CLN8: variants seen among roughly 807,000 people sequenced by gnomAD.
CLN8 encodes the protein CLN8 transmembrane ER and ERGIC protein.
A neutral mutation model predicts 15.7 loss-of-function variants in CLN8; 14 were observed. That is an observed-to-expected ratio of 0.89 (90% CI 0.59 to 1.39). CLN8 has a LOEUF of 1.39. Among genes scored for constraint, CLN8 ranks in the 40% most tolerant of loss-of-function variants. The probability of loss-of-function intolerance (pLI) is 0.00; values close to 1 mark genes in which losing one functional copy is unlikely to be tolerated. For synonymous variants in CLN8, 188 were observed against 151.0 expected, an observed-to-expected ratio of 1.25 and a Z score of -1.80; for missense variants, 415 against 364.0, an observed-to-expected ratio of 1.14 and a Z score of -1.14.
chr8:1,778,256 T>C (rs1801590683), intron 2 of CLN8, among the ~76,000 whole-genome samples: 1 of 152,224 alleles, frequency 6.6e-6, no homozygotes. Context: ...CCAGCTATAT[T>C]TGTGACTTTT....
At chr8:1,767,557 G>GTTTT (rs1801114157) in intron 1 of CLN8, among the ~76,000 whole-genome samples, 2 of 107,120 alleles carry the variant, frequency 1.9e-5, no homozygotes, top group South Asian at 6.8e-4. Flanking sequence ...TGCTCTGTAT[G>GTTTT]TTTCTTTCTT....
chr8:1,755,872 C>T (rs1800658108), exon 1 of CLN8: 1 of 152,170 alleles, frequency 6.6e-6, no homozygotes, highest in African/African-American at 2.4e-5. Context: ...TGCGGATTCC[C>T]TATGAGACGG....
At chr8:1,776,243 T>C (rs1352088777) in intron 2 of CLN8, among the ~76,000 whole-genome samples, 1 of 152,106 alleles carries the variant, frequency 6.6e-6, no homozygotes, top group East Asian at 1.9e-4. Flanking sequence ...ACAGAGAAGG[T>C]TCTGGAAGCT....
chr8:1,780,168 G>A, intron 2 of CLN8, 82 bp from the exon 3 acceptor site: 4 of 1,611,564 alleles, frequency 2.5e-6, no homozygotes, highest in Non-Finnish European at 1.7e-6. Context: ...GGTAAGTAAG[G>A]TAGCAAATAC....
At position 1,784,530 on chromosome 8, in the gene CLN8, G is replaced by A. The variant is rs1367708506; in HGVS notation, c.*3963G>A. 1 of 152,240 alleles carries A rather than the reference G, an allele frequency of 6.6e-6. No homozygotes were observed. Among genetic ancestry groups the A allele is most frequent in the Non-Finnish European group, 1.5e-5 (1 of 68,068 alleles). The allele number at this position is 152,240 out of a possible 1,614,324, so 9.4% of individuals were successfully genotyped here. A position where few individuals can be genotyped will look rare whatever the true frequency, so the allele number is the denominator to read the frequency against. On this transcript the variant is annotated 3_prime_UTR_variant, in exon 3 of 3. Transcript: ENST00000331222. ...CAATTACAATGTCATGTGAATTCTGGAGGGGACACGGTCACACTGCAGCAT... is the reference window on the plus strand; with the variant it reads ...CAATTACAATGTCATGTGAATTCTGAAGGGGACACGGTCACACTGCAGCAT...
intron 1 of CLN8, among the ~76,000 whole-genome samples, chr8:1,757,626 A>G (rs954724915): frequency 5.3e-5 from 8 of 152,054 alleles, no homozygotes; most frequent in African/African-American, 1.9e-4. Context: ...TTTTTAGTAG[A>G]GACAAGGTTT....
chr8:1,779,709 A>G (rs956964064), intron 2 of CLN8, among the ~76,000 whole-genome samples: 1 of 152,156 alleles, frequency 6.6e-6, no homozygotes, highest in African/African-American at 2.4e-5. Context: ...TCTGGTGAAG[A>G]CCCACTTCCT....
chr8:1,775,195 C>T (rs1276634834), intron 2 of CLN8, among the ~76,000 whole-genome samples: 1 of 151,944 alleles, frequency 6.6e-6, no homozygotes, highest in East Asian at 1.9e-4. Flanking sequence ...TTTTATATAG[C>T]ATTTACATTG....
chr8:1,776,314 G>T (rs1217419473), intron 2 of CLN8, among the ~76,000 whole-genome samples: 1 of 152,148 alleles, frequency 6.6e-6, no homozygotes, highest in Non-Finnish European at 1.5e-5. Flanking sequence ...GATGACAGAA[G>T]GTTCTGGAAG....
At chr8:1,759,030 G>T (rs1409484436), upstream of CLN8, 1 of 152,144 alleles carries the variant, frequency 6.6e-6, no homozygotes, top group Non-Finnish European at 1.5e-5. Context: ...TTTCTTCCAG[G>T]GCCTGCTCTC....
rs1801758211 is a variant in CLN8 at position 1,783,522 on chromosome 8, G to A, written c.*2955G>A. 1 of 152,162 alleles carries A rather than the reference G, an allele frequency of 6.6e-6. No homozygotes were observed. The highest frequency in any genetic ancestry group is 1.5e-5 in the Non-Finnish European group (1 of 68,034). The allele number at this position is 152,162 out of a possible 1,614,324, so 9.4% of individuals were successfully genotyped here. ...TAGTGAAATCCTTCTCTATACCTAT[G>A]TTTTGTTTTGTTTCTTAAGTTGGGA... On this transcript the variant is annotated 3_prime_UTR_variant, in exon 3 of 3. Coordinates refer to ENST00000331222, the MANE Select transcript of CLN8 (RefSeq NM_018941.4).
upstream of CLN8, chr8:1,763,755 A>C (rs1475365118): frequency 6.8e-6 from 1 of 146,758 alleles, no homozygotes; most frequent in Non-Finnish European, 1.5e-5. Context: ...CGCGCGTGCG[A>C]ACGCGCGTGC....
chr8:1,755,087 C>G (rs1208297240), upstream of CLN8, among the ~76,000 whole-genome samples: 1 of 152,188 alleles, frequency 6.6e-6, no homozygotes, highest in African/African-American at 2.4e-5. Flanking sequence ...TTGAGTCTAT[C>G]AAGACCTTCG....
intron 2 of CLN8, among the ~76,000 whole-genome samples, chr8:1,776,175 A>C (rs1417653955): frequency 1.3e-5 from 2 of 152,066 alleles, no homozygotes; most frequent in African/African-American, 4.8e-5. Flanking sequence ...TGATGACAAA[A>C]GATTTTGGAA....
chr8:1,776,573 G>T (rs138923379), intron 2 of CLN8, among the ~76,000 whole-genome samples: 6 of 152,232 alleles, frequency 3.9e-5, no homozygotes, highest in African/African-American at 1.4e-4. Context: ...TGTGAGGGGC[G>T]CACGTTTGTG....
At chr8:1,773,917 A>C (rs917877819) in intron 2 of CLN8, 4 of 152,244 alleles carry the variant, frequency 2.6e-5, no homozygotes, top group African/African-American at 9.6e-5. Context: ...TAGTGACTAA[A>C]TTATTAATAC....
chr8:1,761,904 T>A (rs1800806190), upstream of CLN8: 1 of 152,226 alleles, frequency 6.6e-6, no homozygotes, highest in Admixed American at 6.5e-5. Flanking sequence ...AGGGTCAGAA[T>A]CTTGTAATCT....
At chr8:1,756,483 C>CAAA (rs60297248) in intron 1 of CLN8, among the ~76,000 whole-genome samples, 2 of 143,418 alleles carry the variant, frequency 1.4e-5, no homozygotes, top group African/African-American at 5.2e-5. Context: ...GAATCCATCT[C>CAAA]AAAAAAAAAA....
Position 1,763,814 on chromosome 8 carries a change from C to T in CLN8, c.-195C>T, listed in dbSNP as rs922942847. ...AGTCGTGACTGGGCGGCAATGAGGT[C>T]AGTGACTGCCGGGAGTCCTGCAGGG... is the stretch of plus-strand genomic sequence containing the variant. On this transcript the variant is annotated 5_prime_UTR_variant, in exon 1 of 3. Transcript: ENST00000331222. 1.3e-5 allele frequency: 2 copies of T among 151,132 alleles called. No homozygotes were observed. Among genetic ancestry groups the T allele is most frequent in the African/African-American group, 4.9e-5 (2 of 41,076 alleles). 9.4% of individuals were successfully genotyped at this position (151,132 alleles called of 1,614,324 possible). A position where few individuals can be genotyped will look rare whatever the true frequency, so the allele number is the denominator to read the frequency against.
Sources: allele counts gnomAD v4.1 joint callset (sites outside exome capture counted in the v4.1 genomes callset), GRCh38; gene constraint gnomAD v4.1.1; transcripts MANE v1.5; gene names NCBI Gene and HGNC (gene_info 2026-07-23, HGNC 2026-07-21).